EYA2: variants seen among roughly 807,000 people sequenced by gnomAD.
EYA2 encodes the protein EYA transcriptional coactivator and phosphatase 2, also known as protein phosphatase EYA2.
In EYA2, 31 loss-of-function variants were observed where a neutral mutation model predicts 69.2. That is an observed-to-expected ratio of 0.45 (90% CI 0.34 to 0.60). EYA2 has a LOEUF of 0.60. Among genes scored for constraint, EYA2 ranks in the 20% least tolerant of loss-of-function variants. The probability of loss-of-function intolerance (pLI) is 0.02; values close to 1 mark genes in which losing one functional copy is unlikely to be tolerated. For synonymous variants in EYA2, 257 were observed against 279.4 expected, an observed-to-expected ratio of 0.92 and a Z score of 0.80; for missense variants, 622 against 701.2, an observed-to-expected ratio of 0.89 and a Z score of 1.28.
chr20:47,082,396 T>G (rs1342854497), intron 7 of EYA2, among the ~76,000 whole-genome samples: 2 of 151,868 alleles, frequency 1.3e-5, no homozygotes, highest in African/African-American at 4.8e-5. Context: ...AAAAAGTAAC[T>G]TTAGCAGTGT....
chr20:46,925,997 T>C (rs1204002257), intron 1 of EYA2, among the ~76,000 whole-genome samples: 1 of 152,198 alleles, frequency 6.6e-6, no homozygotes, highest in Non-Finnish European at 1.5e-5. Flanking sequence ...ATGACCATAC[T>C]TTCCAGGCAC....
At chr20:46,933,583 C>G (rs1023041003) in intron 1 of EYA2, among the ~76,000 whole-genome samples, 1 of 152,194 alleles carries the variant, frequency 6.6e-6, no homozygotes, top group African/African-American at 2.4e-5. Flanking sequence ...GGAAGCAACT[C>G]TGGACACAGC....
At chr20:47,095,157 A>G (rs1373212722) in intron 8 of EYA2, among the ~76,000 whole-genome samples, 1 of 152,206 alleles carries the variant, frequency 6.6e-6, no homozygotes, top group Non-Finnish European at 1.5e-5. Context: ...TTGCATCCAT[A>G]AAATAAAAAG....
At chr20:46,943,479 C>T (rs1036050834) in intron 1 of EYA2, among the ~76,000 whole-genome samples, 15 of 152,148 alleles carry the variant, frequency 9.9e-5, no homozygotes, top group Non-Finnish European at 1.5e-4. Context: ...ATGAGAAATA[C>T]GCCAGCCTGA....
intron 1 of EYA2, among the ~76,000 whole-genome samples, chr20:46,977,298 G>A (rs1399245077): frequency 6.6e-6 from 1 of 152,212 alleles, no homozygotes; most frequent in East Asian, 1.9e-4. Flanking sequence ...ATTTTTAGAT[G>A]TTATTTGGGT....
chr20:46,988,324 A>G lies in EYA2; in HGVS notation c.-10-1677A>G, dbSNP rs541351738. On this transcript the variant is annotated intron_variant, in intron 1 of 15. Coordinates refer to ENST00000327619, the MANE Select transcript of EYA2 (RefSeq NM_005244.5). Reference sequence around the variant, plus strand: ...CTATTAAAATAGTGCTTTTTTTTACATGAATCATCTTTTTAAATCTTCACC... The same window carrying G: ...CTATTAAAATAGTGCTTTTTTTTACGTGAATCATCTTTTTAAATCTTCACC... Among the ~76,000 whole-genome samples, 101 of 151,920 alleles carry G rather than the reference A, an allele frequency of 6.6e-4. No individual in the cohort carries two copies. The South Asian group carries it at 0.019, about 29-fold the overall frequency.
At chr20:47,021,250 G>C (rs1034929535) in intron 5 of EYA2, among the ~76,000 whole-genome samples, 2 of 152,186 alleles carry the variant, frequency 1.3e-5, no homozygotes, top group African/African-American at 4.8e-5. Context: ...CAGGGTAAGA[G>C]AAAAGAGGAA....
chr20:47,169,227 T>C, intron 11 of EYA2, 30 bp downstream of exon 11: 1 of 1,570,470 alleles, frequency 6.4e-7, no homozygotes, highest in South Asian at 1.1e-5. Context: ...AAAATGCCCA[T>C]TGATTGATTG....
At chr20:47,030,146 TA>T (rs1331256085) in intron 5 of EYA2, among the ~76,000 whole-genome samples, 4 of 152,194 alleles carry the variant, frequency 2.6e-5, no homozygotes, top group African/African-American at 9.7e-5. Flanking sequence ...GTCATATTAT[TA>T]AAACCAGATC....
At chr20:47,154,415 A>G (rs1036926399) in intron 10 of EYA2, among the ~76,000 whole-genome samples, 8 of 152,058 alleles carry the variant, frequency 5.3e-5, no homozygotes, top group African/African-American at 1.9e-4. Flanking sequence ...ACAAACGTTC[A>G]GTTCATAACA....
intron 11 of EYA2, among the ~76,000 whole-genome samples, chr20:47,169,919 T>C (rs1362849644): frequency 6.6e-6 from 1 of 152,106 alleles, no homozygotes; most frequent in Non-Finnish European, 1.5e-5. Flanking sequence ...TTTTTCTTTT[T>C]TTTGAGGCTG....
At position 47,162,641 on chromosome 20, in the gene EYA2, C is replaced by T. The variant is rs2034093059; in HGVS notation, c.979-6498C>T. Among the ~76,000 whole-genome samples the T allele has an allele frequency of 2.0e-5, 3 of 151,626 alleles. No individual in the cohort carries two copies. The South Asian group carries it at 6.3e-4, about 32-fold the overall frequency. On this transcript the variant is annotated intron_variant, in intron 10 of 15. Transcript: ENST00000327619. Reference sequence around the variant, plus strand: ...TTAGGTGATCCTCCCACCTCAGCCTCCCAAGTAGCTACAACTGTAGGTACA... The same window carrying T: ...TTAGGTGATCCTCCCACCTCAGCCTTCCAAGTAGCTACAACTGTAGGTACA...
At chr20:46,946,554 T>A (rs924933594) in intron 1 of EYA2, among the ~76,000 whole-genome samples, 14 of 152,218 alleles carry the variant, frequency 9.2e-5, no homozygotes, top group Non-Finnish European at 1.6e-4. Flanking sequence ...AACATGAGCC[T>A]GGGTATGAGT....
At chr20:47,158,168 C>G (rs1038729692) in intron 10 of EYA2, among the ~76,000 whole-genome samples, 1 of 151,904 alleles carries the variant, frequency 6.6e-6, no homozygotes, top group East Asian at 2.0e-4. Flanking sequence ...CCCCTTGCCT[C>G]GTAACACACC....
At chr20:46,921,874 A>C (rs1985196043) in intron 1 of EYA2, among the ~76,000 whole-genome samples, 1 of 152,228 alleles carries the variant, frequency 6.6e-6, no homozygotes, top group African/African-American at 2.4e-5. Context: ...GTTTGAATGG[A>C]GTCTTCTCCC....
chr20:47,144,012 ATCT>A (rs2033652038), intron 10 of EYA2, among the ~76,000 whole-genome samples: 1 of 152,226 alleles, frequency 6.6e-6, no homozygotes, highest in African/African-American at 2.4e-5. Flanking sequence ...CAGTAAGGAA[ATCT>A]TCTGGCTTTG....
Position 47,047,981 on chromosome 20 carries a change from C to T in EYA2, c.416-24204C>T, listed in dbSNP as rs572729091. ...GCATGAGCCACCGCGCCCCTGCCTCCCTCTTAGTAAGACAATTGTGATTAT... is the reference window on the plus strand; with the variant it reads ...GCATGAGCCACCGCGCCCCTGCCTCTCTCTTAGTAAGACAATTGTGATTAT... On this transcript the variant is annotated intron_variant, in intron 5 of 15. Coordinates refer to ENST00000327619, the MANE Select transcript of EYA2 (RefSeq NM_005244.5). 2.0e-5 allele frequency among the ~76,000 whole-genome samples: 3 copies of T among 151,998 alleles called. No individual in the cohort carries two copies. In the South Asian group the frequency reaches 6.3e-4, roughly 32 times the overall value.
intron 9 of EYA2, among the ~76,000 whole-genome samples, chr20:47,102,382 C>T (rs1348389665): frequency 6.6e-6 from 1 of 152,208 alleles, no homozygotes; most frequent in Non-Finnish European, 1.5e-5. Context: ...CCAAAGGAAA[C>T]TGGAGTAATC....
intron 12 of EYA2, among the ~76,000 whole-genome samples, chr20:47,179,554 G>GTGGA (rs1297127197): frequency 2.3e-5 from 3 of 131,158 alleles, no homozygotes; most frequent in South Asian, 4.8e-4. Flanking sequence ...GGATAGGTGG[G>GTGGA]TGGATGGATG....
Sources: allele counts gnomAD v4.1 joint callset (sites outside exome capture counted in the v4.1 genomes callset), GRCh38; gene constraint gnomAD v4.1.1; transcripts MANE v1.5; gene names NCBI Gene and HGNC (gene_info 2026-07-23, HGNC 2026-07-21).